Variants in NAT1 observed in about 807,000 individuals in gnomAD.
NAT1 encodes arylamine N-acetyltransferase 1.
For synonymous variants in NAT1, 144 were observed against 122.6 expected (o/e 1.17, Z -1.16); for missense variants, 400 against 339.2 (o/e 1.18, Z -1.41).
intron 2 of NAT1, among the ~76,000 whole-genome samples, chr8:18,196,827 A>G (rs1471454088): frequency 6.6e-6 from 1 of 152,212 alleles, no homozygotes; most frequent in Non-Finnish European, 1.5e-5. Context: ...AAAATCAATA[A>G]TAATAAAAAC....
rs764899326 is a variant in NAT1, at chr8:18,219,422, G to A, written c.-74G>A. On this transcript the variant is annotated 5_prime_UTR_variant, in exon 2 of 3. Transcript: ENST00000307719. The stretch of plus-strand genomic sequence containing the variant: ...TCTCTTATTTCTAGAATTCAAGCCA[G>A]GAAGAAGCAGCAATCTGTCTTCTGG... 5 of 1,548,466 alleles carry A rather than the reference G, an allele frequency of 3.2e-6. No individual in the cohort carries two copies. The African/African-American group carries it at 5.5e-5, about 17-fold the overall frequency.
intron 1 of NAT1, among the ~76,000 whole-genome samples, chr8:18,214,165 A>G (rs912384320): frequency 1.3e-5 from 2 of 152,178 alleles, no homozygotes; most frequent in African/African-American, 2.4e-5. Flanking sequence ...TTCAAAAGCC[A>G]TAACTCTCAT....
chr8:18,205,289 G>A (rs564699520), upstream of NAT1, among the ~76,000 whole-genome samples: 7 of 152,296 alleles, frequency 4.6e-5, no homozygotes, highest in Admixed American at 1.3e-4. Context: ...GTGGGGGTGG[G>A]AGCTTGGTGG....
intron 2 of NAT1, among the ~76,000 whole-genome samples, chr8:18,190,900 C>G (rs1309211577): frequency 6.6e-6 from 1 of 151,954 alleles, no homozygotes; most frequent in Admixed American, 6.6e-5. Context: ...AACCCCATCT[C>G]TACTAAAAAT....
At chr8:18,202,299 G>C (rs1803496709) in intron 2 of NAT1, among the ~76,000 whole-genome samples, 1 of 152,108 alleles carries the variant, frequency 6.6e-6, no homozygotes, top group Admixed American at 6.5e-5. Context: ...TACAAATTTA[G>C]GGTTACCTAG....
chr8:18,200,465 A>G (rs112197337), intron 2 of NAT1, among the ~76,000 whole-genome samples: 7 of 152,354 alleles, frequency 4.6e-5, no homozygotes, highest in African/African-American at 1.2e-4. Context: ...GTTCTCACTT[A>G]TAAGTTGGCA....
intron 1 of NAT1, chr8:18,212,756 G>A (rs1410727792): frequency 6.6e-6 from 1 of 152,370 alleles, no homozygotes; most frequent in Non-Finnish European, 1.5e-5. Flanking sequence ...GATGGTAAAA[G>A]AGATCTGAAG....
intron 1 of NAT1, among the ~76,000 whole-genome samples, chr8:18,215,366 A>G (rs1188988560): frequency 6.6e-6 from 1 of 152,188 alleles, no homozygotes. Flanking sequence ...TAATTGCTTT[A>G]TCATTTCATT....
At chr8:18,177,084 T>C (rs1199957024) in intron 2 of NAT1, among the ~76,000 whole-genome samples, 1 of 152,086 alleles carries the variant, frequency 6.6e-6, no homozygotes, top group Non-Finnish European at 1.5e-5. Context: ...TCTTATTGAA[T>C]TGATCACTTT....
chr8:18,221,358 C>T (rs1440932505), intron 2 of NAT1, among the ~76,000 whole-genome samples: 1 of 150,432 alleles, frequency 6.6e-6, no homozygotes, highest in Non-Finnish European at 1.5e-5. Flanking sequence ...GGAGCTCTCC[C>T]TCTGTACTTA....
intron 2 of NAT1, among the ~76,000 whole-genome samples, chr8:18,186,179 A>G (rs1416615806): frequency 2.6e-5 from 4 of 152,132 alleles, no homozygotes; most frequent in African/African-American, 7.2e-5. Flanking sequence ...TTGTGCTTTG[A>G]TTTTATTAGC....
chr8:18,184,992 T>G (rs1443165845), intron 2 of NAT1, among the ~76,000 whole-genome samples: 1 of 152,230 alleles, frequency 6.6e-6, no homozygotes, highest in Non-Finnish European at 1.5e-5. Context: ...CTATCTTTTT[T>G]AGTTGTTGCT....
chr8:18,172,663 T>G (rs1403769205), intron 2 of NAT1, among the ~76,000 whole-genome samples: 1 of 152,204 alleles, frequency 6.6e-6, no homozygotes, highest in Non-Finnish European at 1.5e-5. Context: ...TTTATTATCA[T>G]TATTCGGATA....
intron 2 of NAT1, among the ~76,000 whole-genome samples, chr8:18,185,709 T>G (rs1455003636): frequency 1.3e-5 from 2 of 152,162 alleles, no homozygotes; most frequent in Non-Finnish European, 2.9e-5. Context: ...ACTTTCTTAT[T>G]CATTTCTTGA....
At chr8:18,170,492 A>G (rs1802056739) in exon 1 of NAT1, 1 of 152,218 alleles carries the variant, frequency 6.6e-6, no homozygotes. Flanking sequence ...AGCCTAGGCC[A>G]AACTGCACAA....
At chr8:18,172,905 T>A (rs1802149901) in intron 2 of NAT1, among the ~76,000 whole-genome samples, 1 of 152,058 alleles carries the variant, frequency 6.6e-6, no homozygotes, top group African/African-American at 2.4e-5. Context: ...TAAAACGAGC[T>A]GTTGTATCTG....
At chr8:18,183,403 T>C (rs923484705) in intron 2 of NAT1, among the ~76,000 whole-genome samples, 2 of 152,210 alleles carry the variant, frequency 1.3e-5, no homozygotes, top group African/African-American at 4.8e-5. Context: ...AATACATTAA[T>C]TCTTTCTCAA....
At chr8:18,192,723 A>G (rs1282249953) in intron 2 of NAT1, among the ~76,000 whole-genome samples, 1 of 152,100 alleles carries the variant, frequency 6.6e-6, no homozygotes, top group Non-Finnish European at 1.5e-5. Context: ...CATCATTCTC[A>G]GTAAACTATC....
chr8:18,198,669 G>T (rs925145529), intron 2 of NAT1, among the ~76,000 whole-genome samples: 2 of 152,122 alleles, frequency 1.3e-5, no homozygotes, highest in South Asian at 4.1e-4. Flanking sequence ...TATATTTAAG[G>T]TGTAACATGT....
Sources: allele counts gnomAD v4.1 joint callset (sites outside exome capture counted in the v4.1 genomes callset), GRCh38; gene constraint gnomAD v4.1.1; transcripts MANE v1.5; gene names NCBI Gene and HGNC (gene_info 2026-07-23, HGNC 2026-07-21).